ABCA4: variants seen among roughly 807,000 people sequenced by gnomAD.
ABCA4 encodes ATP binding cassette subfamily A member 4.
A neutral mutation model predicts 263.7 loss-of-function variants in ABCA4; 196 were observed. The ratio of observed to expected loss-of-function variants is 0.74; its 90% confidence interval spans 0.66 to 0.84. The LOEUF (loss-of-function observed/expected upper bound fraction) is 0.84, where lower values mean the gene tolerates loss of function less well. ABCA4 is among the 40% of genes least tolerant of loss of function. The pLI is 0.00. For synonymous variants in ABCA4, 1,133 were observed against 1,094.2 expected (o/e 1.04, Z -0.70); for missense variants, 2,792 against 2,855.1 (o/e 0.98, Z 0.50).
intron 11 of ABCA4, among the ~76,000 whole-genome samples, chr1:94,073,046 C>T (rs551417607): frequency 6.6e-5 from 10 of 152,290 alleles, no homozygotes; most frequent in Admixed American, 2.6e-4. Context: ...GAAGCAACAT[C>T]CTTGCTTTCA....
intron 49 of ABCA4, among the ~76,000 whole-genome samples, chr1:93,993,791 C>T (rs72956525): frequency 0.039 from 5,966 of 152,028 alleles, 389 homozygotes; most frequent in African/African-American, 0.14. Flanking sequence ...CCTTGAGAAG[C>T]GGACACCAAG....
chr1:94,055,032 A>G, intron 16 of ABCA4, 79 bp downstream of exon 16: 1 of 1,391,300 alleles, frequency 7.2e-7, no homozygotes, highest in Non-Finnish European at 1.0e-6. Context: ...GGAAGAAATG[A>G]AATTTAAACT....
At chr1:94,104,376 C>G (rs879415837) in intron 4 of ABCA4, among the ~76,000 whole-genome samples, 1 of 152,134 alleles carries the variant, frequency 6.6e-6, no homozygotes, top group Non-Finnish European at 1.5e-5. Flanking sequence ...CATCACATGT[C>G]CCCATTCTTT....
rs759110306 is a variant in ABCA4 at position 94,056,654 on chromosome 1, T to C, written c.2329A>G (p.Ile777Val). 7 of 1,614,006 alleles carry C rather than the reference T, an allele frequency of 4.3e-6. No homozygotes were observed. The Middle Eastern group carries it at 5.1e-4, about 117-fold the overall frequency. Residue 777 changes from isoleucine to valine, a missense_variant, in exon 15 of 50, where the codon ATC (isoleucine) becomes GTC (valine). Transcript: ENST00000370225. ...VIYFTLYLPHILCFAWQDRMT... is the reference protein window; with the variant it reads ...VIYFTLYLPHVLCFAWQDRMT... ...CGGTCCTGCCAGGCGAAGCACAGGA[T>C]GTGTGGCAGGTAGAGGGTGAAATAG...
In ABCA4 at chr1:94,014,680, T is replaced by G; in HGVS notation, c.5323A>C (p.Ile1775Leu). ...ALLLLYGWAV[I>L]PMMYPASFLF... Reference sequence around the variant, plus strand: ...AAGGATGCTGGGTACATCATGGGAATGACCGCCCATCTGTGTGAAATGAGA... The same window carrying G: ...AAGGATGCTGGGTACATCATGGGAAGGACCGCCCATCTGTGTGAAATGAGA... The change falls in exon 38 of 50, where the codon ATT (isoleucine) becomes CTT (leucine). Residue 1775 changes from isoleucine to leucine, a missense_variant. Coordinates refer to ENST00000370225, the MANE Select transcript of ABCA4 (RefSeq NM_000350.3). The G allele has an allele frequency of 6.2e-7, 1 of 1,614,196 alleles. No homozygotes were observed. Among genetic ancestry groups the G allele is most frequent in the Non-Finnish European group, 8.5e-7 (1 of 1,180,030 alleles).
intron 22 of ABCA4, among the ~76,000 whole-genome samples, chr1:94,042,248 T>A (rs933392108): frequency 4.6e-5 from 7 of 152,168 alleles, no homozygotes; most frequent in African/African-American, 1.7e-4. Flanking sequence ...TGAACCGTGC[T>A]GTTACCTCTA....
chr1:94,045,142 G>A (rs1368234340), intron 19 of ABCA4, among the ~76,000 whole-genome samples: 1 of 152,206 alleles, frequency 6.6e-6, no homozygotes, highest in Non-Finnish European at 1.5e-5. Flanking sequence ...AGCAGTCATG[G>A]CTATTGAAAA....
In ABCA4 at chr1:94,076,555, G is replaced by A. The variant is rs17111005; in HGVS notation, c.1554+1135C>T. 1.9e-3 allele frequency among the ~76,000 whole-genome samples: 278 copies of A among 143,776 alleles called. 2 individuals carry two copies. The highest frequency in any genetic ancestry group is 6.5e-3 in the African/African-American group (267 of 40,876). The allele number at this position is 143,776 out of a possible 152,430, so 94.3% of individuals were successfully genotyped here. ...ATTTGCAAAGGGTAGAATCCCAAGAGGTCATGGAATGGGAATGCCTGTAGG... is the reference window on the plus strand; with the variant it reads ...ATTTGCAAAGGGTAGAATCCCAAGAAGTCATGGAATGGGAATGCCTGTAGG... On this transcript the variant is annotated intron_variant, in intron 11 of 49. Coordinates refer to ENST00000370225, the MANE Select transcript of ABCA4 (RefSeq NM_000350.3).
chr1:94,078,570 CATCCT>C lies in ABCA4; in HGVS notation c.1356+15_1356+19del. 1 of 1,075,034 alleles carries C rather than the reference CATCCT, an allele frequency of 9.3e-7. No homozygotes were observed. The highest frequency in any genetic ancestry group is 1.4e-6 in the Non-Finnish European group (1 of 725,802). The allele number at this position is 1,075,034 out of a possible 1,614,324, so 66.6% of individuals were successfully genotyped here. ...CCGCTTCCTCCTCCCCTCCCCTCCC[CATCCT>C]CCAACCCCCCTTACTCTGATCATGT... On this transcript the variant is annotated intron_variant, in intron 10 of 49. Transcript: ENST00000370225.
chr1:94,018,095 T>C (rs932230187), intron 36 of ABCA4, among the ~76,000 whole-genome samples: 4 of 152,200 alleles, frequency 2.6e-5, no homozygotes, highest in Non-Finnish European at 4.4e-5. Flanking sequence ...TACCCCTTCA[T>C]TGGACTGCCA....
At chr1:94,037,475 T>C in intron 24 of ABCA4, 125 bp from the exon 25 acceptor site, 2 of 886,552 alleles carry the variant, frequency 2.3e-6, no homozygotes, top group South Asian at 1.4e-5. Context: ...ATCTCGGCAG[T>C]GACTCTTTCA....
chr1:94,052,184 C>A (rs1445658385), intron 16 of ABCA4, among the ~76,000 whole-genome samples: 1 of 152,162 alleles, frequency 6.6e-6, no homozygotes, highest in Non-Finnish European at 1.5e-5. Flanking sequence ...CATCTGCCCC[C>A]CGTCACAGAT....
chr1:94,054,537 T>C (rs1394662563), intron 16 of ABCA4, among the ~76,000 whole-genome samples: 1 of 152,028 alleles, frequency 6.6e-6, no homozygotes, highest in Non-Finnish European at 1.5e-5. Context: ...TTGCAGGTTG[T>C]GGGGAGAGAA....
chr1:94,060,390 T>C, intron 14 of ABCA4, 147 bp downstream of exon 14: 2 of 759,362 alleles, frequency 2.6e-6, no homozygotes, highest in Non-Finnish European at 4.6e-6. Context: ...TTTGAGTGTC[T>C]CCCACGTTGG....
rs780578275 is a variant in ABCA4, at chr1:94,055,099, G to A, written c.2587+12C>T. The A allele has an allele frequency of 1.9e-6, 3 of 1,612,560 alleles. No individual in the cohort carries two copies. The highest frequency in any genetic ancestry group is 4.5e-5 in the East Asian group (2 of 44,898). On this transcript the variant is annotated intron_variant, in intron 16 of 49. Transcript: ENST00000370225. Reference sequence around the variant, plus strand: ...ACTCAATTACCTTTACCCTATAGAGGAGGATGCTTACCTGGAAACACCTGA... The same window carrying A: ...ACTCAATTACCTTTACCCTATAGAGAAGGATGCTTACCTGGAAACACCTGA...
chr1:94,069,751 G>A (rs1415921813), intron 11 of ABCA4, among the ~76,000 whole-genome samples: 2 of 152,206 alleles, frequency 1.3e-5, no homozygotes, highest in Non-Finnish European at 2.9e-5. Flanking sequence ...TTGGAATGGT[G>A]AGTTAGAGGC....
Position 94,080,620 on chromosome 1 carries a change from C to T in ABCA4, c.957G>A (p.Leu319=). 6.2e-7 allele frequency: 1 copy of T among 1,614,164 alleles called. No homozygotes were observed. Among genetic ancestry groups the T allele is most frequent in the Non-Finnish European group, 8.5e-7 (1 of 1,180,036 alleles). Residue 319 remains leucine (L), a synonymous_variant, in exon 8 of 50, where the codon CTG becomes CTA. Transcript: ENST00000370225. Reference sequence around the variant, plus strand: ...CGGGGTAGCCACACAGGAGGTCAGACAGGATGCCCATCAGCTTTGTAAAGG... The same window carrying T: ...CGGGGTAGCCACACAGGAGGTCAGATAGGATGCCCATCAGCTTTGTAAAGG... The part of the protein sequence containing the change: ...PETFTKLMGI[L]SDLLCGYPEG...
chr1:94,021,679 A>T lies in ABCA4; in HGVS notation c.4809T>A (p.Pro1603=). Residue 1603 remains proline (P), a synonymous_variant, in exon 34 of 50, where the codon CCT becomes CCA. Transcript: ENST00000370225. ...CAGTTTCTAGATGTTTAAGGAAATC[A>T]GGTATTTCTTTAGAGGCCTCTCTAG... The part of the protein sequence containing the change: ...PITREASKEI[P]DFLKHLETED... 1 of 1,613,296 alleles carries T rather than the reference A, an allele frequency of 6.2e-7. No individual in the cohort carries two copies. The highest frequency in any genetic ancestry group is 8.5e-7 in the Non-Finnish European group (1 of 1,179,466).
Position 94,014,551 on chromosome 1 carries a change from T to G in ABCA4, c.5452A>C (p.Asn1818His). The G allele has an allele frequency of 6.2e-7, 1 of 1,614,178 alleles. No homozygotes were observed. The highest frequency in any genetic ancestry group is 8.5e-7 in the Non-Finnish European group (1 of 1,180,024). The change falls in exon 38 of 50, where the codon AAT (asparagine) becomes CAT (histidine). Residue 1818 changes from asparagine to histidine, a missense_variant. Coordinates refer to ENST00000370225, the MANE Select transcript of ABCA4 (RefSeq NM_000350.3). ...AITFILELFE[N>H]NRTLLRFNAV... ...AAGAAAGTTATGCTCACCCGGTTATTCTCAAATAATTCCAAGATGAAGGTA... is the reference window on the plus strand; with the variant it reads ...AAGAAAGTTATGCTCACCCGGTTATGCTCAAATAATTCCAAGATGAAGGTA...
Sources: allele counts gnomAD v4.1 joint callset (sites outside exome capture counted in the v4.1 genomes callset), GRCh38; gene constraint gnomAD v4.1.1; transcripts MANE v1.5; gene names NCBI Gene and HGNC (gene_info 2026-07-23, HGNC 2026-07-21).